Variants in DIAPH1 observed in about 807,000 individuals in gnomAD.
The protein encoded by DIAPH1 is protein diaphanous homolog 1.
Under a neutral mutation model 140.7 loss-of-function variants are expected in DIAPH1, and 46 were observed. The observed-to-expected ratio is 0.33, with a 90% CI of 0.26 to 0.42. DIAPH1 has a LOEUF of 0.42. Ranked by LOEUF, DIAPH1 falls within the 10% of genes least tolerant of loss-of-function variation. The pLI is 1.00. For missense variants in DIAPH1, 1,310 were observed against 1,558.7 expected (o/e 0.84, Z 2.69); for synonymous variants, 565 against 551.6 (o/e 1.02, Z -0.34).
intron 18 of DIAPH1, among the ~76,000 whole-genome samples, chr5:141,535,608 T>C (rs2154595165): frequency 6.6e-6 from 1 of 152,358 alleles, no homozygotes; most frequent in South Asian, 2.1e-4. Flanking sequence ...AGTATTTCAT[T>C]GTATCACTCC....
At chr5:141,575,200 A>G in intron 14 of DIAPH1, 54 bp from the exon 15 acceptor site, 1 of 1,578,952 alleles carries the variant, frequency 6.3e-7, no homozygotes, top group Non-Finnish European at 8.7e-7. Flanking sequence ...AGTAAGAAGC[A>G]CAAGTATTAT....
chr5:141,554,981 G>A (rs1285627810), intron 18 of DIAPH1, among the ~76,000 whole-genome samples: 1 of 152,044 alleles, frequency 6.6e-6, no homozygotes, highest in Non-Finnish European at 1.5e-5. Flanking sequence ...AGTTGTAACT[G>A]GAAGGGGGGT....
At chr5:141,615,478 A>G (rs919947042) in intron 1 of DIAPH1, among the ~76,000 whole-genome samples, 6 of 150,680 alleles carry the variant, frequency 4.0e-5, no homozygotes, top group African/African-American at 1.2e-4. Flanking sequence ...GCGGTGGCTC[A>G]CGCCTGTAAT....
chr5:141,572,190 A>G, intron 16 of DIAPH1, 150 bp from the exon 17 acceptor site: 1 of 697,218 alleles, frequency 1.4e-6, no homozygotes, highest in Non-Finnish European at 2.6e-6. Context: ...GAATAGCTGC[A>G]GTGGGATTAG....
In DIAPH1 at chr5:141,527,699, T is replaced by TAAAAAAAAAAAAAA. The variant is rs79558427; in HGVS notation, c.3149-16_3149-3dup. ...TCTTTTGCAAGTTTTCAGCAGAAAC[T>TAAAAAAAAAAAAAA]AAAAAAAAAAAAAAAAAAAAAAACC... On this transcript the variant is annotated splice_polypyrimidine_tract_variant and splice_region_variant and intron_variant, in intron 23 of 27. Transcript: ENST00000389054. The TAAAAAAAAAAAAAA allele has an allele frequency of 2.0e-4, 221 of 1,132,442 alleles. 2 individuals are homozygous for TAAAAAAAAAAAAAA. The highest frequency in any genetic ancestry group is 6.7e-4 in the Admixed American group (16 of 24,020). 70.1% of individuals were successfully genotyped at this position (1,132,442 alleles called of 1,614,324 possible).
At position 141,573,808 on chromosome 5, in the gene DIAPH1, A is replaced by T; in HGVS notation, c.2042T>A (p.Leu681Ter). 7.2e-7 allele frequency: 1 copy of T among 1,382,866 alleles called. No individual in the cohort carries two copies. 85.7% of individuals were successfully genotyped at this position (1,382,866 alleles called of 1,614,324 possible). ...TGGGGGGATTCTAGCACTCCCAGGC[A>T]AAGGAGGAGGTGGGGGGATGGCAGT... ...GGTAIPPPPP[L>*]PGSARIPPPP... The change falls in exon 16 of 28, where the codon TTG (leucine) becomes TAG (stop). Residue 681 changes from leucine (L) to a stop codon, truncating the protein, a stop_gained. Transcript: ENST00000389054. LOFTEE classifies it high-confidence loss of function.
At chr5:141,560,755 TTC>T (rs1195750678) in intron 18 of DIAPH1, 1 of 420,104 alleles carries the variant, frequency 2.4e-6, no homozygotes, top group East Asian at 7.2e-5. Context: ...TCTAGAAATA[TTC>T]TGTTTTATTC....
chr5:141,554,815 CAAAAAA>C (rs543280552), intron 18 of DIAPH1, among the ~76,000 whole-genome samples: 1 of 150,760 alleles, frequency 6.6e-6, no homozygotes, highest in African/African-American at 2.4e-5. Flanking sequence ...CTCAACAATA[CAAAAAA>C]AAACCTGACC....
chr5:141,533,504 C>T (rs2099888560), intron 19 of DIAPH1, among the ~76,000 whole-genome samples: 1 of 152,084 alleles, frequency 6.6e-6, no homozygotes, highest in Non-Finnish European at 1.5e-5. Context: ...TATTTTAAAT[C>T]ACAAAGTAAT....
chr5:141,573,551 A>T lies in DIAPH1; in HGVS notation c.2299T>A (p.Leu767Ile). ...GGCTTATAAAGCTTTTTGGGGGTTAATCCAAATGGCAGAACTGGGGCTGCA... is the reference window on the plus strand; with the variant it reads ...GGCTTATAAAGCTTTTTGGGGGTTATTCCAAATGGCAGAACTGGGGCTGCA... The part of the protein sequence containing the change: ...VPAAPVLPFG[L>I]TPKKLYKPEV... Residue 767 changes from leucine to isoleucine, a missense_variant, in exon 16 of 28, where the codon TTA becomes ATA. By Grantham distance (5) the Leu-to-Ile change is conservative (BLOSUM62 2). This residue lies in a region of DIAPH1 where 589 missense variants were observed against 549.3 expected (regional missense o/e 1.07). Coordinates refer to ENST00000389054, the MANE Select transcript of DIAPH1 (RefSeq NM_005219.5). 6.2e-7 allele frequency: 1 copy of T among 1,613,916 alleles called. No individual in the cohort carries two copies. The highest frequency in any genetic ancestry group is 8.5e-7 in the Non-Finnish European group (1 of 1,179,946).
intron 1 of DIAPH1, among the ~76,000 whole-genome samples, chr5:141,600,200 T>C (rs1277597709): frequency 1.3e-5 from 2 of 152,148 alleles, no homozygotes; most frequent in African/African-American, 2.4e-5. Context: ...CTGAGAACAG[T>C]TCCCCGGTGA....
Position 141,573,582 on chromosome 5 carries a change from T to A in DIAPH1, c.2268A>T (p.Gly756=), listed in dbSNP as rs1192189936. Residue 756 remains glycine (G), a synonymous_variant, in exon 16 of 28, where the codon GGA becomes GGT. Coordinates refer to ENST00000389054, the MANE Select transcript of DIAPH1 (RefSeq NM_005219.5). The stretch of plus-strand genomic sequence containing the variant: ...ATGGCAGAACTGGGGCTGCAGGAAC[T>A]CCAAATCCAAATGGGGGAGGTGGAG... The part of the protein sequence containing the change: ...GMPPPPPFGF[G]VPAAPVLPFG... 1 of 1,613,468 alleles carries A rather than the reference T, an allele frequency of 6.2e-7. No individual in the cohort carries two copies. The highest frequency in any genetic ancestry group is 8.5e-7 in the Non-Finnish European group (1 of 1,179,864).
chr5:141,538,586 CCAT>C (rs1157026902), intron 18 of DIAPH1, among the ~76,000 whole-genome samples: 1 of 152,162 alleles, frequency 6.6e-6, no homozygotes, highest in Non-Finnish European at 1.5e-5. Context: ...GAACCCACCA[CCAT>C]GCCTGGCTAA....
In DIAPH1 at chr5:141,528,913, C is replaced by T. The variant is rs765235886; in HGVS notation, c.2807G>A (p.Arg936His). Reference sequence around the variant, plus strand: ...TAGCTTGAAGAGAATGGCATTGAGGCGAGGCCGCAGTCGGGGCACAGTGCC... The same window carrying T: ...TAGCTTGAAGAGAATGGCATTGAGGTGAGGCCGCAGTCGGGGCACAGTGCC... ...VMGTVPRLRP[R>H]LNAILFKLQF... The change falls in exon 22 of 28, where the codon CGC becomes CAC. Residue 936 changes from arginine (R) to histidine (H), a missense_variant. Transcript: ENST00000389054. 9 of 1,613,966 alleles carry T rather than the reference C, an allele frequency of 5.6e-6. No individual in the cohort carries two copies. The highest frequency in any genetic ancestry group is 2.7e-5 in the African/African-American group (2 of 75,038).
intron 27 of DIAPH1, among the ~76,000 whole-genome samples, chr5:141,523,484 T>G (rs1000267776): frequency 6.6e-6 from 1 of 152,204 alleles, no homozygotes; most frequent in African/African-American, 2.4e-5. Flanking sequence ...AGCTCCATAA[T>G]TCTTTTTAGA....
At chr5:141,536,880 A>C (rs2099889104) in intron 18 of DIAPH1, among the ~76,000 whole-genome samples, 1 of 152,066 alleles carries the variant, frequency 6.6e-6, no homozygotes, top group South Asian at 2.1e-4. Context: ...AGATCACATA[A>C]AAAAATAGGC....
chr5:141,535,790 G>T (rs1414487416), intron 18 of DIAPH1, among the ~76,000 whole-genome samples: 1 of 152,156 alleles, frequency 6.6e-6, no homozygotes, highest in Non-Finnish European at 1.5e-5. Context: ...AAGTCATATG[G>T]GAATATCCCC....
chr5:141,586,332 C>T (rs1298829643), intron 3 of DIAPH1, among the ~76,000 whole-genome samples: 1 of 152,186 alleles, frequency 6.6e-6, no homozygotes, highest in South Asian at 2.1e-4. Flanking sequence ...AGGCCCTGTG[C>T]TAAGGATTTT....
chr5:141,605,239 A>G lies in DIAPH1; in HGVS notation c.117+13559T>C, dbSNP rs533421876. ...AAGGTGGCAATTTTCAAAGATTAGA[A>G]AGCTGGAAAATTTTTATGACACTAT... is the stretch of plus-strand genomic sequence containing the variant. On this transcript the variant is annotated intron_variant, in intron 1 of 27. Transcript: ENST00000389054. Among the ~76,000 whole-genome samples, 6 of 152,320 alleles carry G rather than the reference A, an allele frequency of 3.9e-5. No homozygotes were observed. The East Asian group carries it at 1.2e-3, about 29-fold the overall frequency.
Sources: allele counts gnomAD v4.1 joint callset (sites outside exome capture counted in the v4.1 genomes callset), GRCh38; gene constraint gnomAD v4.1.1; regional missense constraint gnomAD v4.1.1; transcripts MANE v1.5; gene names NCBI Gene and HGNC (gene_info 2026-07-23, HGNC 2026-07-21).